Variants in CRYBG3 observed in about 807,000 individuals in gnomAD.
CRYBG3 encodes the protein very large A-kinase anchor protein.
Under a neutral mutation model 244.2 loss-of-function variants are expected in CRYBG3, and 127 were observed. That is an observed-to-expected ratio of 0.52 (90% CI 0.45 to 0.60). CRYBG3 has a LOEUF of 0.60. Among genes scored for constraint, CRYBG3 ranks in the 20% least tolerant of loss-of-function variants. The pLI is 0.00. For synonymous variants in CRYBG3, 1,132 were observed against 1,195.8 expected (o/e 0.95, Z 1.10); for missense variants, 3,325 against 3,442.5 (o/e 0.97, Z 0.85).
chr3:97,908,014 C>G (rs2039799142), intron 15 of CRYBG3, among the ~76,000 whole-genome samples: 1 of 152,176 alleles, frequency 6.6e-6, no homozygotes, highest in Non-Finnish European at 1.5e-5. Context: ...ACCCAGTAGT[C>G]ATTCAGGAGC....
Position 97,843,348 on chromosome 3 carries a change from A to G in CRYBG3, c.216+87A>G, listed in dbSNP as rs541395932. ...TTTAGATTCTGTCATCTTATTTTAC[A>G]TTTCAAAAAGAACACTGTATAATTA... is the stretch of plus-strand genomic sequence containing the variant. On this transcript the variant is annotated intron_variant, in intron 2 of 21. Coordinates refer to ENST00000389622, the MANE Select transcript of CRYBG3 (RefSeq NM_153605.4). 6.9e-4 allele frequency: 536 copies of G among 772,452 alleles called. 10 individuals are homozygous for G. The South Asian group carries it at 9.3e-3, about 13-fold the overall frequency. The allele number at this position is 772,452 out of a possible 1,614,324, so 47.8% of individuals were successfully genotyped here. A position where few individuals can be genotyped will look rare whatever the true frequency, so the allele number is the denominator to read the frequency against.
At chr3:97,879,142 C>T (rs921951486) in intron 4 of CRYBG3, among the ~76,000 whole-genome samples, 1 of 152,172 alleles carries the variant, frequency 6.6e-6, no homozygotes, top group Non-Finnish European at 1.5e-5. Flanking sequence ...CACCTCTTAA[C>T]TCTGCATTAT....
intron 17 of CRYBG3, among the ~76,000 whole-genome samples, chr3:97,932,254 C>G (rs901684302): frequency 6.6e-6 from 1 of 151,944 alleles, no homozygotes; most frequent in African/African-American, 2.4e-5. Context: ...GTATGAAATA[C>G]GTTTTTCATA....
At chr3:97,893,837 A>T (rs1317908000) in intron 11 of CRYBG3, among the ~76,000 whole-genome samples, 1 of 152,200 alleles carries the variant, frequency 6.6e-6, no homozygotes, top group Non-Finnish European at 1.5e-5. Context: ...CAGAAGTTAA[A>T]TGAATTGTTT....
At chr3:97,849,461 T>C (rs1412398715) in intron 2 of CRYBG3, among the ~76,000 whole-genome samples, 1 of 152,060 alleles carries the variant, frequency 6.6e-6, no homozygotes, top group Non-Finnish European at 1.5e-5. Context: ...TGAGTGCTAC[T>C]GGAGTGCCCG....
chr3:97,863,590 A>T (rs2039182239), intron 2 of CRYBG3, among the ~76,000 whole-genome samples: 1 of 152,100 alleles, frequency 6.6e-6, no homozygotes, highest in Admixed American at 6.6e-5. Flanking sequence ...ATCTTCTTGA[A>T]TAATGTTTCA....
intron 15 of CRYBG3, among the ~76,000 whole-genome samples, chr3:97,910,925 A>G (rs868027571): frequency 1.2e-4 from 18 of 152,328 alleles, no homozygotes; most frequent in South Asian, 1.0e-3. Flanking sequence ...TTTCTTTGCT[A>G]TCCTCTATAT....
chr3:97,941,795 T>G (rs1479630823), intron 20 of CRYBG3: 1 of 153,412 alleles, frequency 6.5e-6, no homozygotes, highest in Admixed American at 6.5e-5. Context: ...TTTAATGCAT[T>G]GGGAATAGAA....
chr3:97,887,919 T>C (rs2039528412), intron 8 of CRYBG3, among the ~76,000 whole-genome samples: 1 of 152,338 alleles, frequency 6.6e-6, no homozygotes, highest in East Asian at 1.9e-4. Context: ...AGAACTGATA[T>C]TGATTCTGAA....
intron 7 of CRYBG3, among the ~76,000 whole-genome samples, chr3:97,883,106 C>T (rs2108225732): frequency 6.6e-6 from 1 of 152,168 alleles, no homozygotes; most frequent in East Asian, 1.9e-4. Context: ...TGGAATGTTG[C>T]AAGGACTAAC....
Position 97,822,041 on chromosome 3 carries a change from T to C in CRYBG3, c.-166T>C. 2.1e-6 allele frequency: 1 copy of C among 470,780 alleles called. No homozygotes were observed. Among genetic ancestry groups the C allele is most frequent in the Non-Finnish European group, 3.4e-6 (1 of 290,234 alleles). The allele number at this position is 470,780 out of a possible 1,614,324, so 29.2% of individuals were successfully genotyped here. On this transcript the variant is annotated 5_prime_UTR_variant, in exon 1 of 22. Transcript: ENST00000389622. ...GAGGAGCTGCCGCGCGAGGAGCGCG[T>C]CGCGTCCGCACTTCTCCTGCCCGAG...
intron 1 of CRYBG3, among the ~76,000 whole-genome samples, chr3:97,825,300 T>A (rs1237752094): frequency 1.3e-5 from 2 of 152,218 alleles, no homozygotes; most frequent in African/African-American, 4.8e-5. Flanking sequence ...AAGAAATGAT[T>A]GCTCAACTTT....
chr3:97,938,786 T>C (rs1463061224), intron 19 of CRYBG3, among the ~76,000 whole-genome samples: 1 of 152,018 alleles, frequency 6.6e-6, no homozygotes, highest in African/African-American at 2.4e-5. Flanking sequence ...TACACTTATT[T>C]TGAAAATTTT....
At chr3:97,864,000 A>C (rs2039188704) in intron 2 of CRYBG3, among the ~76,000 whole-genome samples, 1 of 152,132 alleles carries the variant, frequency 6.6e-6, no homozygotes, top group Non-Finnish European at 1.5e-5. Flanking sequence ...CCATGTGTGC[A>C]GTACTTCTCC....
chr3:97,829,266 G>A (rs895621014), intron 1 of CRYBG3, among the ~76,000 whole-genome samples: 5 of 152,142 alleles, frequency 3.3e-5, no homozygotes, highest in African/African-American at 1.2e-4. Flanking sequence ...GTAATGCAGA[G>A]TAATTTGATA....
chr3:97,904,070 TTTATCCAGCTAGTTTTTCC>T, intron 15 of CRYBG3, among the ~76,000 whole-genome samples: 1 of 152,298 alleles, frequency 6.6e-6, no homozygotes, highest in Non-Finnish European at 1.5e-5. Context: ...AACATGGTCA[TTTATCCAGCTAGTTTTTCC>T]AAGGACTGAA....
chr3:97,893,376 C>T (rs2039603841), intron 11 of CRYBG3, among the ~76,000 whole-genome samples: 1 of 152,194 alleles, frequency 6.6e-6, no homozygotes, highest in African/African-American at 2.4e-5. Flanking sequence ...TGAGCCTTCC[C>T]TTGTTAAAAA....
At chr3:97,940,767 T>C (rs1372467071) in intron 19 of CRYBG3, among the ~76,000 whole-genome samples, 1 of 151,964 alleles carries the variant, frequency 6.6e-6, no homozygotes, top group Non-Finnish European at 1.5e-5. Context: ...CTGAAGTTTT[T>C]AGAAAATCCT....
chr3:97,895,161 G>T (rs1425676986), intron 11 of CRYBG3, among the ~76,000 whole-genome samples: 1 of 152,292 alleles, frequency 6.6e-6, no homozygotes, highest in African/African-American at 2.4e-5. Flanking sequence ...GGGCATCTCA[G>T]TCTAACTATG....
Sources: allele counts gnomAD v4.1 joint callset (sites outside exome capture counted in the v4.1 genomes callset), GRCh38; gene constraint gnomAD v4.1.1; transcripts MANE v1.5; gene names NCBI Gene and HGNC (gene_info 2026-07-23, HGNC 2026-07-21).